SYNJ2BP: variants seen among roughly 807,000 people sequenced by gnomAD.
SYNJ2BP encodes the protein synaptojanin-2-binding protein.
SYNJ2BP carries 10 observed loss-of-function variants against 16.9 expected under a neutral mutation model. The ratio of observed to expected loss-of-function variants is 0.59; its 90% CI spans 0.36 to 1.00. The LOEUF (loss-of-function observed/expected upper bound fraction) is 1.00, where lower values mean the gene tolerates loss of function less well. Ranked by LOEUF, SYNJ2BP falls within the 50% of genes least tolerant of loss-of-function variation. The pLI, the probability that SYNJ2BP is intolerant of heterozygous loss-of-function variation, is 0.01. For synonymous variants in SYNJ2BP, 54 were observed against 68.4 expected (o/e 0.79, Z 1.04); for missense variants, 162 against 186.7 (o/e 0.87, Z 0.77).
At chr14:70,400,141 T>C (rs947701933) in intron 1 of SYNJ2BP, among the ~76,000 whole-genome samples, 1 of 152,232 alleles carries the variant, frequency 6.6e-6, no homozygotes, top group Non-Finnish European at 1.5e-5. Flanking sequence ...TCCAAAGTTA[T>C]CAGAAACCTG....
chr14:70,381,751 T>C (rs1887755093), intron 2 of SYNJ2BP, among the ~76,000 whole-genome samples: 1 of 152,244 alleles, frequency 6.6e-6, no homozygotes, highest in Admixed American at 6.5e-5. Flanking sequence ...TTCAAAGTGA[T>C]TCTCAAGTCT....
rs751831556 is a variant in SYNJ2BP, at chr14:70,388,589, C to T, written c.82G>A (p.Val28Ile). Reference protein sequence around the residue: ...RGPSGLGFNIVGGTDQQYVSN... With the variant: ...RGPSGLGFNIIGGTDQQYVSN... ...ACATACTGCTGATCTGTCCCACCGA[C>T]GATGTTGAAGCCCAGCCCTGAGAAA... The change falls in exon 2 of 4, where the codon GTC (valine) becomes ATC (isoleucine). Residue 28 changes from valine (V) to isoleucine (I), a missense_variant. By Grantham distance (29) the Val-to-Ile change is conservative. Coordinates refer to ENST00000256366, the MANE Select transcript of SYNJ2BP (RefSeq NM_018373.3). 19 of 1,535,438 alleles carry T rather than the reference C, an allele frequency of 1.2e-5. No homozygotes were observed. In the East Asian group the frequency reaches 1.8e-4, roughly 14 times the overall value.
intron 1 of SYNJ2BP, among the ~76,000 whole-genome samples, chr14:70,415,022 T>TGG (rs1391177438): frequency 6.6e-6 from 1 of 152,052 alleles, no homozygotes; most frequent in African/African-American, 2.4e-5. Flanking sequence ...GGCGCACATA[T>TGG]GGAGCATGAC....
In SYNJ2BP at chr14:70,372,108, AT is replaced by A. The variant is rs1594939046; in HGVS notation, c.*882del. ...TAAGAATAAATATTGTTCTTCTAAG[AT>A]TTTTAATTAGTTGCTTCAGTTATTA... On this transcript the variant is annotated 3_prime_UTR_variant, in exon 4 of 4. Coordinates refer to ENST00000256366, the MANE Select transcript of SYNJ2BP (RefSeq NM_018373.3). 2 of 152,060 alleles carry A rather than the reference AT, an allele frequency of 1.3e-5. No individual in the cohort carries two copies. Among genetic ancestry groups the A allele is most frequent in the Non-Finnish European group, 2.9e-5 (2 of 67,992 alleles). 9.4% of individuals were successfully genotyped at this position (152,060 alleles called of 1,614,324 possible). A position where few individuals can be genotyped will look rare whatever the true frequency, so the allele number is the denominator to read the frequency against.
intron 1 of SYNJ2BP, among the ~76,000 whole-genome samples, chr14:70,409,610 G>A (rs968074421): frequency 4.6e-5 from 7 of 152,120 alleles, no homozygotes; most frequent in African/African-American, 1.7e-4. Flanking sequence ...GCAATCTTTA[G>A]AGAACTGTTC....
chr14:70,399,897 A>G (rs1424939122), intron 1 of SYNJ2BP, among the ~76,000 whole-genome samples: 1 of 152,180 alleles, frequency 6.6e-6, no homozygotes, highest in East Asian at 1.9e-4. Context: ...CCGAGGCTCC[A>G]TTTCCATGAC....
chr14:70,384,677 T>C (rs1482673434), intron 2 of SYNJ2BP, among the ~76,000 whole-genome samples: 4 of 152,142 alleles, frequency 2.6e-5, no homozygotes, highest in East Asian at 3.8e-4. Flanking sequence ...TCATTAGATC[T>C]GGTTGTTTGA....
intron 1 of SYNJ2BP, among the ~76,000 whole-genome samples, chr14:70,407,379 G>A (rs1057316146): frequency 1.3e-5 from 2 of 150,228 alleles, no homozygotes; most frequent in African/African-American, 2.5e-5. Context: ...GCAGTGAGCC[G>A]AGATTGTGCC....
intron 1 of SYNJ2BP, among the ~76,000 whole-genome samples, chr14:70,396,555 A>G (rs1264395984): frequency 6.6e-6 from 1 of 151,828 alleles, no homozygotes. Flanking sequence ...AACAATGCAC[A>G]GCTACCCCAA....
Position 70,375,670 on chromosome 14 carries a change from ACCTAC to A in SYNJ2BP, c.297+1_297+5del. On this transcript the variant is annotated splice_donor_variant and splice_donor_5th_base_variant and intron_variant, in intron 3 of 3. Coordinates refer to ENST00000256366, the MANE Select transcript of SYNJ2BP (RefSeq NM_018373.3). LOFTEE classifies it high-confidence loss of function. ...TGCCAGGTTTCTGGCTCAAAGTGAT[ACCTAC>A]CCTGTGCTGCACTCTCAGAGACACA... is the stretch of plus-strand genomic sequence containing the variant. 1 of 1,612,244 alleles carries A rather than the reference ACCTAC, an allele frequency of 6.2e-7. No homozygotes were observed. Among genetic ancestry groups the A allele is most frequent in the Non-Finnish European group, 8.5e-7 (1 of 1,179,366 alleles).
intron 1 of SYNJ2BP, among the ~76,000 whole-genome samples, chr14:70,392,940 G>T (rs1400565450): frequency 6.6e-6 from 1 of 152,134 alleles, no homozygotes; most frequent in Admixed American, 6.6e-5. Flanking sequence ...AAAAGCAATT[G>T]CCACAAAAGC....
chr14:70,387,313 T>C (rs1208265531), intron 2 of SYNJ2BP, among the ~76,000 whole-genome samples: 1 of 152,224 alleles, frequency 6.6e-6, no homozygotes. Flanking sequence ...ACTGATAGTA[T>C]CATAGGATTA....
intron 2 of SYNJ2BP, among the ~76,000 whole-genome samples, chr14:70,376,480 C>G (rs578215155): frequency 1.3e-5 from 2 of 152,268 alleles, no homozygotes; most frequent in African/African-American, 2.4e-5. Flanking sequence ...GGAGTGACAT[C>G]GGCCACAAGT....
intron 1 of SYNJ2BP, among the ~76,000 whole-genome samples, chr14:70,396,334 G>T (rs965028068): frequency 6.6e-6 from 1 of 152,078 alleles, no homozygotes; most frequent in Non-Finnish European, 1.5e-5. Flanking sequence ...AGCCAGGATG[G>T]TCTCCATCTC....
rs114400407 is a variant in SYNJ2BP at position 70,388,594 on chromosome 14, T to G, written c.77A>C (p.Asn26Thr). The change falls in exon 2 of 4, where the codon AAC (asparagine) becomes ACC (threonine). Residue 26 changes from asparagine to threonine, a missense_variant. Transcript: ENST00000256366. ...LTRGPSGLGF[N>T]IVGGTDQQYV... ...CTGCTGATCTGTCCCACCGACGATG[T>G]TGAAGCCCAGCCCTGAGAAAATCAT... is the stretch of plus-strand genomic sequence containing the variant. 392 of 1,532,700 alleles carry G rather than the reference T, an allele frequency of 2.6e-4. 1 individual carries two copies. The African/African-American group carries it at 4.6e-3, about 18-fold the overall frequency. The allele number at this position is 1,532,700 out of a possible 1,614,324, so 94.9% of individuals were successfully genotyped here.
In SYNJ2BP at chr14:70,372,986, G is replaced by C. The variant is rs74324732; in HGVS notation, c.*5C>G. 2 of 1,613,964 alleles carry C rather than the reference G, an allele frequency of 1.2e-6. No homozygotes were observed. Among genetic ancestry groups the C allele is most frequent in the East Asian group, 4.5e-5 (2 of 44,886 alleles). On this transcript the variant is annotated 3_prime_UTR_variant, in exon 4 of 4. Transcript: ENST00000256366. ...CATTGGGAGTATTGAAAGAGAGCAA[G>C]TTTTTCAAAGTTGTTGCCGGTATCT...
At chr14:70,408,399 G>C (rs540554464) in intron 1 of SYNJ2BP, among the ~76,000 whole-genome samples, 89 of 152,248 alleles carry the variant, frequency 5.8e-4, no homozygotes, top group South Asian at 3.3e-3. Flanking sequence ...GGACAGGCGT[G>C]GTGGCTTATA....
Position 70,377,564 on chromosome 14 carries a change from C to T in SYNJ2BP, c.202-1793G>A, listed in dbSNP as rs74855997. Among the ~76,000 whole-genome samples, 72 of 152,326 alleles carry T rather than the reference C, an allele frequency of 4.7e-4. 1 individual carries two copies. Among genetic ancestry groups the T allele is most frequent in the Non-Finnish European group, 4.1e-4 (28 of 68,022 alleles). ...TCTTTTGTGAGAACACTGAGGACTTCTGATAAATGCTTTCTACATTTTCTT... is the reference window on the plus strand; with the variant it reads ...TCTTTTGTGAGAACACTGAGGACTTTTGATAAATGCTTTCTACATTTTCTT... On this transcript the variant is annotated intron_variant, in intron 2 of 3. Coordinates refer to ENST00000256366, the MANE Select transcript of SYNJ2BP (RefSeq NM_018373.3).
rs748785920 is a variant in SYNJ2BP, at chr14:70,388,455, G to A, written c.201+15C>T. 7.7e-5 allele frequency: 118 copies of A among 1,537,488 alleles called. 1 individual carries two copies. The highest frequency in any genetic ancestry group is 5.3e-4 in the Admixed American group (26 of 49,042). On this transcript the variant is annotated intron_variant, in intron 2 of 3. Coordinates refer to ENST00000256366, the MANE Select transcript of SYNJ2BP (RefSeq NM_018373.3). ...GGAGCAAAGGACAGTGAAGGAGGCC[G>A]AAGCCCATTCTCACCGAAAGGATCT...
Sources: gnomAD v4.1 joint callset for allele counts (sites outside exome capture counted in the v4.1 genomes callset) on GRCh38, gnomAD v4.1.1 for gene constraint, MANE v1.5 for transcripts, NCBI Gene and HGNC (gene_info 2026-07-23, HGNC 2026-07-21) for gene names.